MON2: variants seen among roughly 807,000 people sequenced by gnomAD.
MON2 encodes MON2 regulator of endosome-to-Golgi trafficking.
A neutral mutation model predicts 208.6 loss-of-function variants in MON2; 84 were observed. The ratio of observed to expected loss-of-function variants is 0.40; its 90% CI spans 0.34 to 0.48. MON2 has a LOEUF of 0.48. MON2 is among the 20% of genes least tolerant of loss of function. MON2 has a pLI of 0.59. For missense variants in MON2, 1,611 were observed against 2,015.4 expected (o/e 0.80, Z 3.84); for synonymous variants, 660 against 694.0 (o/e 0.95, Z 0.77).
chr12:62,544,401 G>A (rs1279632151), intron 20 of MON2, among the ~76,000 whole-genome samples: 4 of 152,098 alleles, frequency 2.6e-5, no homozygotes, highest in South Asian at 4.1e-4. Flanking sequence ...ATCTGTGATC[G>A]TGCCACTGCA....
At chr12:62,521,924 G>A (rs956953776) in intron 8 of MON2, among the ~76,000 whole-genome samples, 6 of 152,322 alleles carry the variant, frequency 3.9e-5, no homozygotes, top group African/African-American at 1.4e-4. Context: ...TGGGTGTGGT[G>A]GCTCACGCCT....
intron 23 of MON2, among the ~76,000 whole-genome samples, chr12:62,550,671 G>A (rs949093927): frequency 2.0e-5 from 3 of 152,168 alleles, no homozygotes; most frequent in Non-Finnish European, 4.4e-5. Flanking sequence ...CCTTGTACTT[G>A]TAGGTTATGG....
At position 62,544,920 on chromosome 12, in the gene MON2, G is replaced by A. The variant is rs758177005; in HGVS notation, c.2489G>A (p.Arg830Gln). The part of the protein sequence containing the change: ...LLEVCQHPNS[R>Q]MREWGAEALT... ...CAGGTCTGCCAGCATCCAAACTCTCGAATGAGAGAATGGGGAGCAGAAGCT... is the reference window on the plus strand; with the variant it reads ...CAGGTCTGCCAGCATCCAAACTCTCAAATGAGAGAATGGGGAGCAGAAGCT... Residue 830 changes from arginine to glutamine, a missense_variant, in exon 21 of 35, where the codon CGA becomes CAA. Arg to Gln is a conservative substitution (Grantham distance 43). Coordinates refer to ENST00000393630, the MANE Select transcript of MON2 (RefSeq NM_015026.3). 6.8e-6 allele frequency: 11 copies of A among 1,607,410 alleles called. No individual in the cohort carries two copies. The highest frequency in any genetic ancestry group is 1.7e-4 in the Middle Eastern group (1 of 6,050).
Position 62,467,147 on chromosome 12 carries a change from G to T in MON2, c.-61G>T, listed in dbSNP as rs1279078125. The T allele has an allele frequency of 7.0e-7, 1 of 1,418,898 alleles. No homozygotes were observed. Among genetic ancestry groups the T allele is most frequent in the African/African-American group, 1.4e-5 (1 of 71,492 alleles). 87.9% of individuals were successfully genotyped at this position (1,418,898 alleles called of 1,614,324 possible). A position where few individuals can be genotyped will look rare whatever the true frequency, so the allele number is the denominator to read the frequency against. ...GGAGGGAGCTGCCTGTGGCCCTAAG[G>T]AGCTGACCGTGCCAGAGCTTGTTTG... On this transcript the variant is annotated 5_prime_UTR_variant, in exon 1 of 35. Coordinates refer to ENST00000393630, the MANE Select transcript of MON2 (RefSeq NM_015026.3).
intron 2 of MON2, among the ~76,000 whole-genome samples, chr12:62,490,850 T>G (rs2070089938): frequency 6.6e-6 from 1 of 152,202 alleles, no homozygotes; most frequent in African/African-American, 2.4e-5. Context: ...TTTCTATTAC[T>G]ATCGTAAGTT....
Position 62,593,143 on chromosome 12 carries a change from T to G in MON2, c.*394T>G. On this transcript the variant is annotated 3_prime_UTR_variant, in exon 35 of 35. Coordinates refer to ENST00000393630, the MANE Select transcript of MON2 (RefSeq NM_015026.3). ...TATTAGTCTGGTGTTTTTGCACCCT[T>G]TTTCAAGTACAAAATCGTACTAGAA... 1 of 157,770 alleles carries G rather than the reference T, an allele frequency of 6.3e-6. No individual in the cohort carries two copies. Among genetic ancestry groups the G allele is most frequent in the Non-Finnish European group, 1.4e-5 (1 of 70,874 alleles). 9.8% of individuals were successfully genotyped at this position (157,770 alleles called of 1,614,324 possible). A position where few individuals can be genotyped will look rare whatever the true frequency, so the allele number is the denominator to read the frequency against.
chr12:62,585,093 ACACACACACACACAC>A (rs1565714452), intron 32 of MON2, among the ~76,000 whole-genome samples, 186 bp from the exon 33 acceptor site: 14 of 113,968 alleles, frequency 1.2e-4, no homozygotes, highest in African/African-American at 5.2e-4. Context: ...ACACACACAC[ACACACACACACACAC>A]ACAAAACAAA....
chr12:62,520,304 A>G (rs564265366), intron 8 of MON2, among the ~76,000 whole-genome samples: 3 of 152,340 alleles, frequency 2.0e-5, no homozygotes, highest in East Asian at 1.9e-4. Context: ...TATCACCACC[A>G]TATATCAGAA....
intron 19 of MON2, among the ~76,000 whole-genome samples, chr12:62,539,066 CTTGGAA>C (rs1294924781): frequency 1.3e-5 from 2 of 152,010 alleles, no homozygotes; most frequent in Non-Finnish European, 2.9e-5. Flanking sequence ...TTCTGTTATA[CTTGGAA>C]AGCACAGGAA....
At chr12:62,539,242 T>C (rs2073122494) in intron 19 of MON2, among the ~76,000 whole-genome samples, 1 of 151,912 alleles carries the variant, frequency 6.6e-6, no homozygotes, top group Admixed American at 6.6e-5. Flanking sequence ...CATGTAACTG[T>C]AGCATTCAAA....
In MON2 at chr12:62,473,918, C is replaced by T. The variant is rs1411018126; in HGVS notation, c.111+6600C>T. Among the ~76,000 whole-genome samples the T allele has an allele frequency of 5.3e-5, 8 of 151,872 alleles. No homozygotes were observed. The South Asian group carries it at 8.3e-4, about 16-fold the overall frequency. ...GTCTCCCAGGTTCTCTCTTCAGATCCTTCCTTTCTCCATGCTCACCTGCTT... is the reference window on the plus strand; with the variant it reads ...GTCTCCCAGGTTCTCTCTTCAGATCTTTCCTTTCTCCATGCTCACCTGCTT... On this transcript the variant is annotated intron_variant, in intron 1 of 34. Coordinates refer to ENST00000393630, the MANE Select transcript of MON2 (RefSeq NM_015026.3).
intron 1 of MON2, among the ~76,000 whole-genome samples, chr12:62,476,203 A>G (rs756154864): frequency 6.6e-6 from 1 of 152,170 alleles, no homozygotes; most frequent in Non-Finnish European, 1.5e-5. Flanking sequence ...GGGTTGTAGA[A>G]TAATTGAATG....
chr12:62,507,924 A>G (rs2071189008), intron 7 of MON2, among the ~76,000 whole-genome samples: 1 of 152,042 alleles, frequency 6.6e-6, no homozygotes, highest in African/African-American at 2.4e-5. Context: ...GCGTGCCACC[A>G]TACCTGGCTA....
At chr12:62,574,461 T>A (rs1452441747) in intron 30 of MON2, among the ~76,000 whole-genome samples, 1 of 152,078 alleles carries the variant, frequency 6.6e-6, no homozygotes, top group Non-Finnish European at 1.5e-5. Flanking sequence ...ACTGCGGCCT[T>A]GACCTCCTGG....
intron 26 of MON2, among the ~76,000 whole-genome samples, chr12:62,564,187 A>G (rs574804098): frequency 1.3e-5 from 2 of 152,268 alleles, no homozygotes; most frequent in South Asian, 4.1e-4. Flanking sequence ...CGTTATAGCT[A>G]AATGGCTACA....
chr12:62,585,533 G>A (rs372577143), intron 33 of MON2, 32 bp downstream of exon 33: 139 of 1,472,930 alleles, frequency 9.4e-5, no homozygotes, highest in Non-Finnish European at 1.2e-4. Flanking sequence ...AGAAATAAAT[G>A]TATTGTTGTA....
In MON2 at chr12:62,500,805, G is replaced by A; in HGVS notation, c.588G>A (p.Leu196=). ...RHRDIIEQPV[L]VQGNSNRRSV... Reference sequence around the variant, plus strand: ...CAGATATTATAGAACAACCAGTACTGGTACAAGGAAATAGTAACAGAAGAT... The same window carrying A: ...CAGATATTATAGAACAACCAGTACTAGTACAAGGAAATAGTAACAGAAGAT... Residue 196 remains leucine, a synonymous_variant, in exon 6 of 35, where the codon CTG becomes CTA. Coordinates refer to ENST00000393630, the MANE Select transcript of MON2 (RefSeq NM_015026.3). 1 of 1,594,644 alleles carries A rather than the reference G, an allele frequency of 6.3e-7. No homozygotes were observed. Among genetic ancestry groups the A allele is most frequent in the Non-Finnish European group, 8.5e-7 (1 of 1,169,912 alleles).
intron 8 of MON2, among the ~76,000 whole-genome samples, chr12:62,523,784 C>T (rs560573831): frequency 6.6e-6 from 1 of 152,240 alleles, no homozygotes; most frequent in Admixed American, 6.5e-5. Flanking sequence ...TTTTACCTCC[C>T]AGAGGTCCTG....
At chr12:62,480,272 T>C (rs1302227639) in intron 1 of MON2, among the ~76,000 whole-genome samples, 1 of 152,182 alleles carries the variant, frequency 6.6e-6, no homozygotes, top group Non-Finnish European at 1.5e-5. Context: ...ACTTAAAAAA[T>C]ACTTGACCAG....
Sources: gnomAD v4.1 joint callset for allele counts (sites outside exome capture counted in the v4.1 genomes callset) on GRCh38, gnomAD v4.1.1 for gene constraint, MANE v1.5 for transcripts, NCBI Gene and HGNC (gene_info 2026-07-23, HGNC 2026-07-21) for gene names.